Variants in IQCM observed in about 807,000 individuals in gnomAD.
IQCM encodes IQ domain-containing protein M.
Under a neutral mutation model 57.6 loss-of-function variants are expected in IQCM, and 45 were observed. The ratio of observed to expected loss-of-function variants is 0.78; its 90% CI spans 0.62 to 1.00. The LOEUF (loss-of-function observed/expected upper bound fraction) is 1.00, where lower values mean the gene tolerates loss of function less well. Ranked by LOEUF, IQCM falls within the 50% of genes least tolerant of loss-of-function variation. IQCM has a pLI of 0.00. For synonymous variants in IQCM, 148 were observed against 158.9 expected (o/e 0.93, Z 0.51); for missense variants, 468 against 511.6 (o/e 0.91, Z 0.82).
intron 2 of IQCM, among the ~76,000 whole-genome samples, chr4:149,810,228 G>A (rs1241851235): frequency 6.6e-6 from 1 of 151,716 alleles, no homozygotes; most frequent in Admixed American, 6.6e-5. Flanking sequence ...GGGGCACAGT[G>A]GCACATGCCT....
At chr4:149,610,476 AC>A (rs1755181252) in intron 8 of IQCM, among the ~76,000 whole-genome samples, 1 of 152,096 alleles carries the variant, frequency 6.6e-6, no homozygotes, top group Admixed American at 6.6e-5. Flanking sequence ...TTCAAATTAT[AC>A]TATAAAGCTA....
chr4:149,529,435 T>C (rs1579380029), intron 12 of IQCM, among the ~76,000 whole-genome samples: 2 of 152,312 alleles, frequency 1.3e-5, no homozygotes, highest in Middle Eastern at 6.8e-3. Context: ...TATATTTTAC[T>C]TCCCTTGGGT....
At chr4:149,404,609 T>C (rs765779284) in intron 13 of IQCM, among the ~76,000 whole-genome samples, 4 of 151,954 alleles carry the variant, frequency 2.6e-5, no homozygotes, top group Non-Finnish European at 5.9e-5. Context: ...TCTTGGAGTG[T>C]AAAATACAGA....
At chr4:149,810,641 G>A (rs995625782) in intron 2 of IQCM, among the ~76,000 whole-genome samples, 7 of 151,870 alleles carry the variant, frequency 4.6e-5, no homozygotes, top group Middle Eastern at 3.4e-3. Flanking sequence ...TAGTAGAGAC[G>A]GGGTTTCACC....
chr4:149,662,681 T>C (rs1002381406), intron 7 of IQCM, among the ~76,000 whole-genome samples: 2 of 152,006 alleles, frequency 1.3e-5, no homozygotes, highest in Non-Finnish European at 1.5e-5. Flanking sequence ...CTTTCTATAA[T>C]TTTTTAATTA....
intron 7 of IQCM, among the ~76,000 whole-genome samples, chr4:149,659,480 C>G (rs1453680820): frequency 6.6e-6 from 1 of 152,078 alleles, no homozygotes; most frequent in Admixed American, 6.6e-5. Flanking sequence ...GAAAAAACTA[C>G]TTTAAGGATC....
At chr4:149,513,915 T>C (rs1480658996) in intron 12 of IQCM, among the ~76,000 whole-genome samples, 1 of 152,136 alleles carries the variant, frequency 6.6e-6, no homozygotes, top group Non-Finnish European at 1.5e-5. Flanking sequence ...AATATTAGGA[T>C]AATGTTGCTC....
chr4:149,671,325 G>C (rs1330007010), intron 7 of IQCM, among the ~76,000 whole-genome samples: 2 of 152,094 alleles, frequency 1.3e-5, no homozygotes, highest in Non-Finnish European at 2.9e-5. Context: ...GATTGGTGGT[G>C]ATATCCCCTT....
intron 12 of IQCM, among the ~76,000 whole-genome samples, chr4:149,483,755 T>G (rs1741163417): frequency 6.6e-6 from 1 of 152,004 alleles, no homozygotes; most frequent in African/African-American, 2.4e-5. Flanking sequence ...AGCCATTGGA[T>G]GAAATGTTCT....
At chr4:149,657,958 G>T (rs1205625120) in intron 7 of IQCM, among the ~76,000 whole-genome samples, 1 of 151,470 alleles carries the variant, frequency 6.6e-6, no homozygotes, top group Non-Finnish European at 1.5e-5. Context: ...GTCTCTTTAT[G>T]CTATTATTTT....
At chr4:149,403,423 T>C (rs13146954) in intron 13 of IQCM, among the ~76,000 whole-genome samples, 1 of 152,032 alleles carries the variant, frequency 6.6e-6, no homozygotes. Flanking sequence ...ATCATAGTTA[T>C]GCCATTTACA....
At chr4:149,702,822 T>C (rs866683338) in intron 5 of IQCM, among the ~76,000 whole-genome samples, 7 of 151,980 alleles carry the variant, frequency 4.6e-5, no homozygotes, top group African/African-American at 9.7e-5. Context: ...AACTAATTAC[T>C]GGAAAGTAAG....
chr4:149,519,331 T>C (rs1221772996), intron 12 of IQCM, among the ~76,000 whole-genome samples: 1 of 152,176 alleles, frequency 6.6e-6, no homozygotes, highest in East Asian at 1.9e-4. Context: ...CCCTTAAAAG[T>C]GCTTTCTTGG....
chr4:149,641,142 T>C (rs911013725), intron 7 of IQCM, among the ~76,000 whole-genome samples: 1 of 152,104 alleles, frequency 6.6e-6, no homozygotes, highest in Non-Finnish European at 1.5e-5. Context: ...AAAAGTGTTC[T>C]CATTTTAATT....
At chr4:149,602,018 C>T (rs1332194854) in intron 8 of IQCM, among the ~76,000 whole-genome samples, 2 of 141,308 alleles carry the variant, frequency 1.4e-5, no homozygotes, top group East Asian at 2.1e-4. Context: ...TGTGCCACTG[C>T]GCTCCAGCCT....
intron 12 of IQCM, among the ~76,000 whole-genome samples, chr4:149,495,651 AG>A (rs1230804419): frequency 6.6e-6 from 1 of 152,158 alleles, no homozygotes; most frequent in Non-Finnish European, 1.5e-5. Context: ...TGAGGAGGGC[AG>A]TGTAGAATGA....
At chr4:149,622,402 G>A (rs1316340752) in intron 7 of IQCM, among the ~76,000 whole-genome samples, 2 of 151,102 alleles carry the variant, frequency 1.3e-5, no homozygotes, top group Non-Finnish European at 2.9e-5. Context: ...GAGTGCAGTG[G>A]TGCGATCTCG....
intron 13 of IQCM, among the ~76,000 whole-genome samples, chr4:149,409,397 C>T (rs749564037): frequency 1.6e-4 from 24 of 152,306 alleles, no homozygotes; most frequent in Middle Eastern, 6.8e-3. Context: ...GATGGCTGCA[C>T]GCTGAGTCAT....
chr4:149,515,031 T>C (rs1744797886), intron 12 of IQCM, among the ~76,000 whole-genome samples: 1 of 151,758 alleles, frequency 6.6e-6, no homozygotes, highest in South Asian at 2.1e-4. Flanking sequence ...CTTGTGATTG[T>C]GTGAGTTAAT....
Sources: gnomAD v4.1 joint callset for allele counts (sites outside exome capture counted in the v4.1 genomes callset) on GRCh38, gnomAD v4.1.1 for gene constraint, MANE v1.5 for transcripts, NCBI Gene and HGNC (gene_info 2026-07-23, HGNC 2026-07-21) for gene names.